Variants in NPAS3 observed in about 807,000 individuals in gnomAD.
NPAS3 encodes the protein neuronal PAS domain-containing protein 3.
In NPAS3, 14 loss-of-function variants were observed where a neutral mutation model predicts 73.1. That is an observed-to-expected ratio of 0.19 (90% confidence interval 0.13 to 0.30). The LOEUF (loss-of-function observed/expected upper bound fraction) is 0.30. Among genes scored for constraint, NPAS3 ranks in the 10% least tolerant of loss-of-function variants. The pLI, the probability that NPAS3 is intolerant of heterozygous loss-of-function variation, is 1.00. For synonymous variants in NPAS3, 620 were observed against 541.5 expected (o/e 1.14, Z -2.01); for missense variants, 1,096 against 1,250.0 (o/e 0.88, Z 1.86).
chr14:33,488,966 A>G (rs1010534733), intron 4 of NPAS3, among the ~76,000 whole-genome samples: 8 of 152,190 alleles, frequency 5.3e-5, no homozygotes, highest in African/African-American at 1.7e-4. Context: ...CAAAGCAGGC[A>G]AGCTCAAAAT....
rs116226104 is a variant in NPAS3 at position 33,535,024 on chromosome 14, G to T, written c.469-25097G>T. On this transcript the variant is annotated intron_variant, in intron 4 of 11. Transcript: ENST00000356141. ...ATAGAACTTGCTATTTTTCTCAGAGGATTCAATGAAAGATTTTGAAAAGAA... is the reference window on the plus strand; with the variant it reads ...ATAGAACTTGCTATTTTTCTCAGAGTATTCAATGAAAGATTTTGAAAAGAA... Among the ~76,000 whole-genome samples, 409 of 152,258 alleles carry T rather than the reference G, an allele frequency of 2.7e-3. 1 individual carries two copies. Among genetic ancestry groups the T allele is most frequent in the African/African-American group, 9.3e-3 (386 of 41,546 alleles).
chr14:33,107,343 C>A (rs1008509414), intron 2 of NPAS3, among the ~76,000 whole-genome samples: 1 of 152,124 alleles, frequency 6.6e-6, no homozygotes, highest in Non-Finnish European at 1.5e-5. Flanking sequence ...CAAATGAATT[C>A]ATCACCCAGG....
intron 3 of NPAS3, among the ~76,000 whole-genome samples, chr14:33,248,947 C>G (rs2048482525): frequency 6.6e-6 from 1 of 152,046 alleles, no homozygotes; most frequent in South Asian, 2.1e-4. Context: ...TCATGTTATT[C>G]TTTGACTCCT....
Position 33,033,245 on chromosome 14 carries a change from G to A in NPAS3, c.51-22660G>A, listed in dbSNP as rs189348363. Reference sequence around the variant, plus strand: ...TGTTATCCCAGAACTTTGGAAGGCCGAGGCAGGTGGATCACTTGACGTCAG... The same window carrying A: ...TGTTATCCCAGAACTTTGGAAGGCCAAGGCAGGTGGATCACTTGACGTCAG... On this transcript the variant is annotated intron_variant, in intron 1 of 11. Coordinates refer to ENST00000356141, the Ensembl canonical transcript of NPAS3. 2.4e-4 allele frequency among the ~76,000 whole-genome samples: 37 copies of A among 152,200 alleles called. No homozygotes were observed. The East Asian group carries it at 4.8e-3, about 20-fold the overall frequency.
chr14:33,474,522 A>G (rs924752700), intron 4 of NPAS3, among the ~76,000 whole-genome samples: 8 of 152,178 alleles, frequency 5.3e-5, no homozygotes, highest in African/African-American at 1.7e-4. Flanking sequence ...ACAGGAAACT[A>G]TCGCCTTTAA....
chr14:33,304,901 C>T (rs752418785), intron 3 of NPAS3, among the ~76,000 whole-genome samples: 5 of 152,120 alleles, frequency 3.3e-5, no homozygotes, highest in Non-Finnish European at 7.4e-5. Flanking sequence ...TCCTCACTGT[C>T]GCATTTGTAA....
intron 3 of NPAS3, among the ~76,000 whole-genome samples, chr14:33,348,923 C>T (rs1347258278): frequency 6.6e-6 from 1 of 152,100 alleles, no homozygotes; most frequent in Non-Finnish European, 1.5e-5. Flanking sequence ...AGTTAGGTCC[C>T]GGCTCCCTCC....
intron 4 of NPAS3, among the ~76,000 whole-genome samples, chr14:33,428,978 A>G (rs1433442993): frequency 6.6e-6 from 1 of 152,146 alleles, no homozygotes; most frequent in Non-Finnish European, 1.5e-5. Flanking sequence ...AAAAGAAACC[A>G]AAATAGCGAG....
intron 5 of NPAS3, among the ~76,000 whole-genome samples, chr14:33,609,792 T>G (rs145828806): frequency 6.6e-6 from 1 of 152,266 alleles, no homozygotes; most frequent in African/African-American, 2.4e-5. Flanking sequence ...CATTACACAC[T>G]GTTCCTCCCA....
chr14:33,693,578 C>G (rs1176657288), intron 6 of NPAS3, among the ~76,000 whole-genome samples: 1 of 152,142 alleles, frequency 6.6e-6, no homozygotes, highest in African/African-American at 2.4e-5. Flanking sequence ...TCAAAATGAT[C>G]AATCCAGAAG....
chr14:33,559,884 T>C (rs1424366638), intron 4 of NPAS3, among the ~76,000 whole-genome samples: 1 of 151,832 alleles, frequency 6.6e-6, no homozygotes, highest in Non-Finnish European at 1.5e-5. Context: ...CTGGGCATGG[T>C]GGCACATGCC....
chr14:33,506,980 T>C (rs714754), intron 4 of NPAS3, among the ~76,000 whole-genome samples: 41,482 of 151,436 alleles, frequency 0.27, 6,457 homozygotes, highest in East Asian at 0.44. Context: ...TAAGTTTTAA[T>C]CAGGCCAAAG....
chr14:33,369,193 G>A (rs2045969069), intron 4 of NPAS3, among the ~76,000 whole-genome samples: 1 of 151,968 alleles, frequency 6.6e-6, no homozygotes, highest in African/African-American at 2.4e-5. Context: ...CATTTTGGAT[G>A]GGTCACATTC....
intron 4 of NPAS3, among the ~76,000 whole-genome samples, chr14:33,435,876 G>A (rs1269247799): frequency 6.6e-6 from 1 of 152,134 alleles, no homozygotes; most frequent in Non-Finnish European, 1.5e-5. Context: ...AGTGTACACA[G>A]AACAAGTGCT....
chr14:33,025,688 C>T (rs1486296606), intron 1 of NPAS3, among the ~76,000 whole-genome samples: 5 of 152,180 alleles, frequency 3.3e-5, no homozygotes, highest in Non-Finnish European at 7.3e-5. Context: ...CGAGTAAATT[C>T]TCACGAGATC....
At chr14:32,978,104 T>A (rs1251667935) in intron 1 of NPAS3, among the ~76,000 whole-genome samples, 1 of 140,982 alleles carries the variant, frequency 7.1e-6, no homozygotes, top group Admixed American at 7.1e-5. Flanking sequence ...AATGAGGAAG[T>A]GAAGATGTGG....
At chr14:33,433,690 G>A (rs569182816) in intron 4 of NPAS3, among the ~76,000 whole-genome samples, 11 of 152,270 alleles carry the variant, frequency 7.2e-5, no homozygotes, top group African/African-American at 2.4e-4. Flanking sequence ...TGAAACAGAA[G>A]TCATAAGTAG....
chr14:33,794,297 C>G (rs976628589), intron 10 of NPAS3, among the ~76,000 whole-genome samples: 1 of 152,202 alleles, frequency 6.6e-6, no homozygotes, highest in African/African-American at 2.4e-5. Flanking sequence ...TTGGGCATCT[C>G]TGCAGAAGTT....
At chr14:33,072,273 A>G (rs550682644) in intron 2 of NPAS3, among the ~76,000 whole-genome samples, 1 of 152,352 alleles carries the variant, frequency 6.6e-6, no homozygotes, top group African/African-American at 2.4e-5. Flanking sequence ...ATAATATTCT[A>G]GACTAATTTA....
Sources: gnomAD v4.1 joint callset for allele counts (sites outside exome capture counted in the v4.1 genomes callset) on GRCh38, gnomAD v4.1.1 for gene constraint, MANE v1.5 for transcripts, NCBI Gene and HGNC (gene_info 2026-07-23, HGNC 2026-07-21) for gene names.